GARIN5B: variants seen among roughly 807,000 people sequenced by gnomAD.
The protein encoded by GARIN5B is golgi associated RAB2 interactor family member 5B.
chr19:55,360,721 G>A, the GARIN5B span: 1 of 1,551,714 alleles, frequency 6.4e-7, no homozygotes, highest in Non-Finnish European at 8.7e-7. Context: ...CTGGTTGGCG[G>A]TGCTGGAAAT....
the GARIN5B span, chr19:55,360,703 G>C: frequency 2.6e-6 from 4 of 1,551,588 alleles, no homozygotes; most frequent in Non-Finnish European, 3.5e-6. Context: ...CTTTGGAGAG[G>C]ACTGTGTCTG....
the GARIN5B span, chr19:55,361,115 G>A: frequency 3.9e-6 from 6 of 1,551,236 alleles, no homozygotes; most frequent in Admixed American, 5.9e-5. Context: ...TGGAGTGGGT[G>A]AGGAAGGGAC....
chr19:55,356,943 C>T, the GARIN5B span, among the ~76,000 whole-genome samples: 146 of 152,160 alleles, frequency 9.6e-4, no homozygotes, highest in Admixed American at 1.9e-3. Context: ...CCCAGCTACT[C>T]GGCTCCTCAA....
the GARIN5B span, among the ~76,000 whole-genome samples, chr19:55,356,743 T>C: frequency 1.2e-4 from 19 of 152,186 alleles, no homozygotes; most frequent in Admixed American, 1.0e-3. Context: ...GGCATTTGTA[T>C]CACCCACAAA....
At chr19:55,359,533 C>A in the GARIN5B span, 1 of 1,548,318 alleles carries the variant, frequency 6.5e-7, no homozygotes, top group Non-Finnish European at 8.7e-7. Context: ...GAGGAGCTGA[C>A]GCAGCTGGGG....
At chr19:55,360,883 C>T in the GARIN5B span, 60 of 1,544,442 alleles carry the variant, frequency 3.9e-5, no homozygotes, top group South Asian at 4.8e-5. Context: ...TGAGTTCTGT[C>T]GGGGCGGGGG....
chr19:55,362,443 C>G, the GARIN5B span: 1 of 1,549,932 alleles, frequency 6.5e-7, no homozygotes, highest in South Asian at 1.2e-5. Context: ...CCAGGCGCAG[C>G]TTCAGGCGCC....
At chr19:55,355,327 G>C in the GARIN5B span, 1 of 1,550,510 alleles carries the variant, frequency 6.4e-7, no homozygotes, top group Non-Finnish European at 8.7e-7. Flanking sequence ...GCCACTCGGA[G>C]TGCTGGGAGT....
At chr19:55,359,642 G>C in the GARIN5B span, 1 of 1,550,958 alleles carries the variant, frequency 6.4e-7, no homozygotes. Context: ...TGCCTTACAA[G>C]ATGTGACAAG....
the GARIN5B span, among the ~76,000 whole-genome samples, chr19:55,355,962 G>C: frequency 2.0e-5 from 3 of 147,572 alleles, no homozygotes; most frequent in Admixed American, 1.3e-4. Flanking sequence ...ACTTCAGTCT[G>C]GGCAACATGT....
chr19:55,355,814 C>T, the GARIN5B span, among the ~76,000 whole-genome samples: 1 of 151,944 alleles, frequency 6.6e-6, no homozygotes, highest in South Asian at 2.1e-4. Flanking sequence ...GGTGAAACCC[C>T]ATCTCTACAA....
At chr19:55,358,559 C>A in the GARIN5B span, 1 of 1,536,192 alleles carries the variant, frequency 6.5e-7, no homozygotes, top group Non-Finnish European at 8.8e-7. Context: ...GCCCCATGGC[C>A]GCTTGCCCTC....
chr19:55,361,495 C>A, the GARIN5B span: 1 of 1,443,798 alleles, frequency 6.9e-7, no homozygotes, highest in South Asian at 1.5e-5. Flanking sequence ...ACCTACCCAG[C>A]GAGAGGCCTA....
the GARIN5B span, chr19:55,360,056 T>A: frequency 7.2e-7 from 1 of 1,394,390 alleles, no homozygotes; most frequent in African/African-American, 1.5e-5. Context: ...AGACCCCTGC[T>A]CCCTCCTCCC....
At chr19:55,356,911 C>G in the GARIN5B span, among the ~76,000 whole-genome samples, 11 of 151,976 alleles carry the variant, frequency 7.2e-5, no homozygotes, top group African/African-American at 2.7e-4. Context: ...ATCAGCCGGG[C>G]GTGGTGGTGA....
the GARIN5B span, chr19:55,358,720 C>G: frequency 6.5e-7 from 1 of 1,550,276 alleles, no homozygotes; most frequent in Non-Finnish European, 8.7e-7. Context: ...GAAGTGAGAC[C>G]AAAGCGGATT....
At chr19:55,361,473 C>T in the GARIN5B span, 1 of 1,463,618 alleles carries the variant, frequency 6.8e-7, no homozygotes, top group Non-Finnish European at 9.1e-7. Flanking sequence ...CCCGGGCTTC[C>T]ACATCTCCAT....
the GARIN5B span, chr19:55,358,472 C>G: frequency 1.3e-6 from 2 of 1,533,582 alleles, no homozygotes; most frequent in South Asian, 2.5e-5. Flanking sequence ...GGGCTTGGAG[C>G]GAAAGGGCAC....
the GARIN5B span, chr19:55,360,674 C>T: frequency 6.5e-7 from 1 of 1,550,320 alleles, no homozygotes; most frequent in South Asian, 1.2e-5. Flanking sequence ...CTGGGCCCTG[C>T]CCCGGGTATA....
Sources: allele counts gnomAD v4.1 joint callset (sites outside exome capture counted in the v4.1 genomes callset), GRCh38; gene constraint gnomAD v4.1.1; transcripts MANE v1.5; gene names NCBI Gene and HGNC (gene_info 2026-07-23, HGNC 2026-07-21).